Variants in KLHL10 observed in about 807,000 individuals in gnomAD.
The protein encoded by KLHL10 is kelch like family member 10.
In KLHL10, 11 loss-of-function variants were observed where a neutral mutation model predicts 46.6. That is an observed-to-expected ratio of 0.24 (90% CI 0.15 to 0.39). KLHL10 has a LOEUF of 0.39. Ranked by LOEUF, KLHL10 falls within the 10% of genes least tolerant of loss-of-function variation. The pLI, the probability that KLHL10 is intolerant of heterozygous loss-of-function variation, is 1.00. For synonymous variants in KLHL10, 254 were observed against 279.1 expected (o/e 0.91, Z 0.90); for missense variants, 475 against 789.8 (o/e 0.60, Z 4.78).
Position 41,845,162 on chromosome 17 carries a change from A to G in KLHL10, c.721A>G (p.Asn241Asp). 6.2e-7 allele frequency: 1 copy of G among 1,614,226 alleles called. No homozygotes were observed. Among genetic ancestry groups the G allele is most frequent in the Non-Finnish European group, 8.5e-7 (1 of 1,180,042 alleles). Residue 241 changes from asparagine (N) to aspartate (D), a missense_variant, in exon 3 of 5, where the codon AAC becomes GAC. Asn to Asp is a conservative substitution (Grantham distance 23). Coordinates refer to ENST00000293303, the MANE Select transcript of KLHL10 (RefSeq NM_152467.5). ...CCTAATGCATGCTGAGTACTTCATG[A>G]ACAATGTTAAGATGAATGACTATGT... is the stretch of plus-strand genomic sequence containing the variant. ...LALMHAEYFM[N>D]NVKMNDYVKD... is the part of the protein sequence containing the mutation.
chr17:41,846,285 A>G (rs1237368875), intron 3 of KLHL10, among the ~76,000 whole-genome samples: 2 of 151,558 alleles, frequency 1.3e-5, no homozygotes, highest in Admixed American at 1.3e-4. Flanking sequence ...CACTTTGGCA[A>G]GCCGAGGCGG....
intron 2 of KLHL10, among the ~76,000 whole-genome samples, chr17:41,843,336 C>G (rs1254431999): frequency 6.6e-6 from 1 of 151,184 alleles, no homozygotes; most frequent in Non-Finnish European, 1.5e-5. Flanking sequence ...GCAGAACACT[C>G]TCTACCGAAA....
intron 1 of KLHL10, among the ~76,000 whole-genome samples, chr17:41,840,974 A>G (rs1483019426): frequency 6.6e-6 from 1 of 151,980 alleles, no homozygotes; most frequent in Non-Finnish European, 1.5e-5. Context: ...TCGCATCTCT[A>G]CTAAAAAATA....
At chr17:41,836,120 C>A, upstream of KLHL10, 1 of 1,325,450 alleles carries the variant, frequency 7.5e-7, no homozygotes, top group South Asian at 2.3e-5. Flanking sequence ...CTGGGGGGCT[C>A]GAAGCGCCCC....
At chr17:41,843,453 C>A (rs2048247565) in intron 2 of KLHL10, among the ~76,000 whole-genome samples, 1 of 151,676 alleles carries the variant, frequency 6.6e-6, no homozygotes, top group Non-Finnish European at 1.5e-5. Flanking sequence ...TGCAGTGAGC[C>A]CAGATCGCAC....
rs918930712 is a variant in KLHL10, at chr17:41,845,690, G to A, written c.1249G>A (p.Ala417Thr). The A allele has an allele frequency of 5.0e-6, 8 of 1,612,184 alleles. No individual in the cohort carries two copies. Among genetic ancestry groups the A allele is most frequent in the Non-Finnish European group, 5.1e-6 (6 of 1,178,704 alleles). The part of the protein sequence containing the change: ...EPETNQWTLI[A>T]PMHEQRSDAS... ...AGAGACCAATCAATGGACACTCATCGCCCCCATGCACGAACAGAGGAGTGA... is the reference window on the plus strand; with the variant it reads ...AGAGACCAATCAATGGACACTCATCACCCCCATGCACGAACAGAGGAGTGA... The change falls in exon 3 of 5, where the codon GCC (alanine) becomes ACC (threonine). Residue 417 changes from alanine (A) to threonine (T), a missense_variant. By Grantham distance (58) the Ala-to-Thr change is moderately conservative. Transcript: ENST00000293303.
At chr17:41,839,768 A>G (rs369403735) in intron 1 of KLHL10, among the ~76,000 whole-genome samples, 4 of 152,178 alleles carry the variant, frequency 2.6e-5, no homozygotes, top group African/African-American at 9.7e-5. Context: ...GCTGGAGTGC[A>G]GTGGCACAAT....
At chr17:41,841,663 C>T in intron 1 of KLHL10, 160 bp from the exon 2 acceptor site, 2 of 762,784 alleles carry the variant, frequency 2.6e-6, no homozygotes, top group South Asian at 1.6e-5. Context: ...TCTCCATCCA[C>T]AAGGTAAGAG....
chr17:41,836,052 G>T (rs1227808142), upstream of KLHL10: 13 of 1,409,150 alleles, frequency 9.2e-6, no homozygotes, highest in African/African-American at 1.5e-5. Flanking sequence ...AGGCGGGGCC[G>T]GGGTGCGCGA....
chr17:41,838,259 T>TA (rs1299228311), intron 1 of KLHL10, 133 bp downstream of exon 1: 359 of 802,328 alleles, frequency 4.5e-4, no homozygotes, highest in African/African-American at 3.3e-3. Context: ...CCTTAAAAAT[T>TA]AAAAAAAAAT....
intron 2 of KLHL10, among the ~76,000 whole-genome samples, chr17:41,843,594 T>C (rs1375037278): frequency 3.9e-5 from 6 of 151,950 alleles, no homozygotes; most frequent in Non-Finnish European, 8.8e-5. Flanking sequence ...TATTAAGACA[T>C]ACTCAATTAC....
Position 41,845,750 on chromosome 17 carries a change from G to T in KLHL10, c.1302+7G>T. ...CACAACACTTTATGGGAAGGTAAAG[G>T]ACCAGGGTGGGAGGGGAAGATGTGG... is the stretch of plus-strand genomic sequence containing the variant. On this transcript the variant is annotated splice_region_variant and intron_variant, in intron 3 of 4. Transcript: ENST00000293303. The T allele has an allele frequency of 6.2e-7, 1 of 1,613,988 alleles. No homozygotes were observed. Among genetic ancestry groups the T allele is most frequent in the African/African-American group, 1.3e-5 (1 of 74,994 alleles).
Position 41,847,242 on chromosome 17 carries a change from C to T in KLHL10, c.1303-19C>T, listed in dbSNP as rs2048298774. On this transcript the variant is annotated intron_variant, in intron 3 of 4. Transcript: ENST00000293303. Reference sequence around the variant, plus strand: ...TCCCTAGAGTGGGAATTTTAATAATCTTGGAACTCTTCACACAGGTCTACA... The same window carrying T: ...TCCCTAGAGTGGGAATTTTAATAATTTTGGAACTCTTCACACAGGTCTACA... 2.5e-6 allele frequency: 4 copies of T among 1,613,152 alleles called. No homozygotes were observed. Among genetic ancestry groups the T allele is most frequent in the Non-Finnish European group, 3.4e-6 (4 of 1,179,142 alleles).
chr17:41,843,746 T>C (rs1411902323), intron 2 of KLHL10, among the ~76,000 whole-genome samples: 3 of 149,164 alleles, frequency 2.0e-5, no homozygotes, highest in African/African-American at 7.7e-5. Context: ...CATAAATAAA[T>C]AGTAAATAAA....
At position 41,838,633 on chromosome 17, in the gene KLHL10, C is replaced by CT. The variant is rs561213551; in HGVS notation, c.194+519dup. Reference sequence around the variant, plus strand: ...ACTAGGGTCAGGGCCTTTTTTCTCTCTTTTTTTTTTTTGTTTGTTTTGTTT... The same window carrying CT: ...ACTAGGGTCAGGGCCTTTTTTCTCTCTTTTTTTTTTTTTGTTTGTTTTGTTT... On this transcript the variant is annotated intron_variant, in intron 1 of 4. Coordinates refer to ENST00000293303, the MANE Select transcript of KLHL10 (RefSeq NM_152467.5). Among the ~76,000 whole-genome samples, 870 of 138,656 alleles carry CT rather than the reference C, an allele frequency of 6.3e-3. 8 individuals carry two copies. Among genetic ancestry groups the CT allele is most frequent in the African/African-American group, 0.021 (799 of 37,400 alleles). 91.0% of individuals were successfully genotyped at this position (138,656 alleles called of 152,430 possible).
chr17:41,837,803 C>A (rs1484220252), upstream of KLHL10: 12 of 1,520,036 alleles, frequency 7.9e-6, no homozygotes, highest in Non-Finnish European at 1.1e-5. Flanking sequence ...GATTCTGGAA[C>A]TTGGGTTGCC....
chr17:41,843,518 A>C (rs868907895), intron 2 of KLHL10, among the ~76,000 whole-genome samples: 6,355 of 151,850 alleles, frequency 0.042, 456 homozygotes, highest in African/African-American at 0.15. Flanking sequence ...TAACAAAAAA[A>C]AAAAAAAAAA....
intron 1 of KLHL10, among the ~76,000 whole-genome samples, chr17:41,838,710 G>A (rs2048196138): frequency 1.5e-5 from 2 of 130,298 alleles, no homozygotes; most frequent in African/African-American, 5.8e-5. Context: ...TTTTTTTTGA[G>A]ATGAGTCTCA....
At position 41,845,497 on chromosome 17, in the gene KLHL10, T is replaced by C. The variant is rs1555621269; in HGVS notation, c.1056T>C (p.Tyr352=). 1 of 1,614,080 alleles carries C rather than the reference T, an allele frequency of 6.2e-7. No individual in the cohort carries two copies. Among genetic ancestry groups the C allele is most frequent in the African/African-American group, 1.3e-5 (1 of 74,928 alleles). Residue 352 remains tyrosine (Y), a synonymous_variant, in exon 3 of 5, where the codon TAT becomes TAC. Coordinates refer to ENST00000293303, the MANE Select transcript of KLHL10 (RefSeq NM_152467.5). ...YIIGGFDSVD[Y]FNSVKRFDPV... ...TTGGGGGGTTTGATAGTGTAGACTA[T>C]TTCAATAGTGTTAAGCGTTTTGACC... is the stretch of plus-strand genomic sequence containing the variant.
Sources: gnomAD v4.1 joint callset for allele counts (sites outside exome capture counted in the v4.1 genomes callset) on GRCh38, gnomAD v4.1.1 for gene constraint, MANE v1.5 for transcripts, NCBI Gene and HGNC (gene_info 2026-07-23, HGNC 2026-07-21) for gene names.